Variants in PINX1 observed in about 807,000 individuals in gnomAD.
PINX1 encodes PIN2 (TERF1) interacting telomerase inhibitor 1, also known as PIN2/TERF1-interacting telomerase inhibitor 1.
In PINX1, 34 loss-of-function variants were observed where a neutral mutation model predicts 25.4. The observed-to-expected ratio is 1.34, with a 90% CI of 1.02 to 1.78. The LOEUF is 1.78. Among genes scored for constraint, PINX1 ranks in the 40% most tolerant of loss-of-function variants. PINX1 has a pLI of 0.00. For synonymous variants in PINX1, 197 were observed against 147.7 expected, an observed-to-expected ratio of 1.33 and a Z score of -2.42; for missense variants, 592 against 404.9, an observed-to-expected ratio of 1.46 and a Z score of -3.97.
In PINX1 at chr8:10,765,920, T is replaced by A; in HGVS notation, c.472-4A>T. ...GAGTGGAGGGACTGGCATCGCCCTA[T>A]GGTGGGCAGAAGAGTTAAAAGGCAG... On this transcript the variant is annotated splice_region_variant and splice_polypyrimidine_tract_variant and intron_variant, in intron 6 of 6. Coordinates refer to ENST00000314787, the MANE Select transcript of PINX1 (RefSeq NM_017884.6). 3 of 1,612,160 alleles carry A rather than the reference T, an allele frequency of 1.9e-6. No individual in the cohort carries two copies. Among genetic ancestry groups the A allele is most frequent in the Non-Finnish European group, 2.5e-6 (3 of 1,179,182 alleles).
chr8:10,789,058 G>T (rs1801840919), intron 6 of PINX1, among the ~76,000 whole-genome samples: 1 of 152,226 alleles, frequency 6.6e-6, no homozygotes, highest in African/African-American at 2.4e-5. Flanking sequence ...CCCAGTACCG[G>T]CTTCCTGCCA....
intron 5 of PINX1, among the ~76,000 whole-genome samples, chr8:10,824,468 C>T (rs1046388247): frequency 1.6e-4 from 24 of 152,288 alleles, no homozygotes; most frequent in African/African-American, 5.3e-4. Context: ...TTCTGTTCTG[C>T]ATACTGACTC....
chr8:10,826,107 A>G (rs1228617384), intron 5 of PINX1, 45 bp downstream of exon 5: 1 of 1,104,206 alleles, frequency 9.1e-7, no homozygotes, highest in Non-Finnish European at 1.3e-6. Context: ...AACTCAGGAC[A>G]AACACGTAGA....
At chr8:10,817,244 C>T (rs777176462) in intron 6 of PINX1, among the ~76,000 whole-genome samples, 1 of 152,176 alleles carries the variant, frequency 6.6e-6, no homozygotes, top group Non-Finnish European at 1.5e-5. Context: ...TCCAGCAACA[C>T]CTTGGCCTCT....
At chr8:10,832,215 G>T (rs940404252) in intron 3 of PINX1, among the ~76,000 whole-genome samples, 1 of 152,112 alleles carries the variant, frequency 6.6e-6, no homozygotes, top group African/African-American at 2.4e-5. Flanking sequence ...GGAAGGGGAG[G>T]AGGAAGAACC....
chr8:10,778,907 ATAG>A (rs1801496630), intron 6 of PINX1, among the ~76,000 whole-genome samples: 1 of 152,242 alleles, frequency 6.6e-6, no homozygotes, highest in Admixed American at 6.5e-5. Context: ...TGACAAAAGC[ATAG>A]CAGGGAAGTG....
intron 6 of PINX1, among the ~76,000 whole-genome samples, chr8:10,799,301 T>G (rs953441344): frequency 6.6e-6 from 1 of 152,194 alleles, no homozygotes; most frequent in Non-Finnish European, 1.5e-5. Context: ...AACAGAACTG[T>G]TGAGACTTTA....
At chr8:10,780,299 T>C (rs927911517) in intron 6 of PINX1, among the ~76,000 whole-genome samples, 3 of 152,196 alleles carry the variant, frequency 2.0e-5, no homozygotes, top group Admixed American at 6.5e-5. Flanking sequence ...TACCAGATCT[T>C]AGAGGGAAAG....
intron 6 of PINX1, among the ~76,000 whole-genome samples, chr8:10,819,246 C>T (rs10098699): frequency 0.6 from 90,554 of 152,038 alleles, 28,281 homozygotes; most frequent in African/African-American, 0.73. Flanking sequence ...TTCTGGACTC[C>T]CTAAAAATTA....
chr8:10,833,306 C>T (rs912043786), intron 2 of PINX1, among the ~76,000 whole-genome samples: 6 of 152,186 alleles, frequency 3.9e-5, no homozygotes, highest in Non-Finnish European at 5.9e-5. Context: ...GACGGAGGGG[C>T]TAGATCTCAC....
chr8:10,836,878 C>T (rs547627240), intron 1 of PINX1, among the ~76,000 whole-genome samples: 3 of 152,308 alleles, frequency 2.0e-5, no homozygotes, highest in African/African-American at 7.2e-5. Context: ...CATTTCCCAG[C>T]TCTAATGGCA....
rs552245564 is a variant in PINX1, at chr8:10,823,375, A to G, written c.394+2777T>C. On this transcript the variant is annotated intron_variant, in intron 5 of 6. Transcript: ENST00000314787. ...TATGCAACTTTCATCCAACAACTGCATAACTGAGGGGAGGAAGCACTGCTC... is the reference window on the plus strand; with the variant it reads ...TATGCAACTTTCATCCAACAACTGCGTAACTGAGGGGAGGAAGCACTGCTC... 3.3e-5 allele frequency among the ~76,000 whole-genome samples: 5 copies of G among 152,284 alleles called. No homozygotes were observed. The South Asian group carries it at 1.0e-3, about 32-fold the overall frequency.
chr8:10,826,895 G>C (rs576950524), intron 4 of PINX1, among the ~76,000 whole-genome samples: 1 of 152,342 alleles, frequency 6.6e-6, no homozygotes, highest in East Asian at 1.9e-4. Flanking sequence ...CTGTGCCGTG[G>C]TGGCCAATCC....
intron 4 of PINX1, among the ~76,000 whole-genome samples, chr8:10,826,873 G>C (rs1227121862): frequency 6.6e-6 from 1 of 152,224 alleles, no homozygotes; most frequent in African/African-American, 2.4e-5. Context: ...ACAAAGATGA[G>C]GCATGAGGTT....
intron 6 of PINX1, among the ~76,000 whole-genome samples, chr8:10,795,094 G>C (rs1342243219): frequency 6.6e-6 from 1 of 152,158 alleles, no homozygotes; most frequent in Non-Finnish European, 1.5e-5. Context: ...AAATCCAAAA[G>C]CTTCTTGACT....
At chr8:10,776,081 G>C (rs1213617560) in intron 6 of PINX1, among the ~76,000 whole-genome samples, 2 of 152,114 alleles carry the variant, frequency 1.3e-5, no homozygotes, top group Non-Finnish European at 2.9e-5. Flanking sequence ...TTATAGCCTA[G>C]ATAAGTCCAT....
chr8:10,786,053 G>A (rs1489517903), intron 6 of PINX1, among the ~76,000 whole-genome samples: 3 of 152,216 alleles, frequency 2.0e-5, no homozygotes, highest in East Asian at 1.9e-4. Flanking sequence ...TTTCCTCACT[G>A]AGGACATCCA....
intron 6 of PINX1, among the ~76,000 whole-genome samples, chr8:10,792,482 A>G (rs1041437435): frequency 2.0e-5 from 3 of 152,032 alleles, no homozygotes; most frequent in Non-Finnish European, 4.4e-5. Flanking sequence ...GCGCTCCCTG[A>G]AGGGACAGAC....
intron 6 of PINX1, among the ~76,000 whole-genome samples, chr8:10,814,910 C>T (rs1437692916): frequency 6.6e-6 from 1 of 152,154 alleles, no homozygotes; most frequent in African/African-American, 2.4e-5. Flanking sequence ...TGAAAAAGTC[C>T]ACATGTAAAA....
Sources: gnomAD v4.1 joint callset for allele counts (sites outside exome capture counted in the v4.1 genomes callset) on GRCh38, gnomAD v4.1.1 for gene constraint, MANE v1.5 for transcripts, NCBI Gene and HGNC (gene_info 2026-07-23, HGNC 2026-07-21) for gene names.